The following ATAD2 variants were observed in gnomAD, a reference collection of about 807,000 sequenced individuals.
The protein encoded by ATAD2 is ATPase family AAA domain containing 2, also known as ATPase family AAA domain-containing protein 2.
In ATAD2, 62 loss-of-function variants were observed where a neutral mutation model predicts 168.9. The ratio of observed to expected loss-of-function variants is 0.37; its 90% CI spans 0.30 to 0.45. The LOEUF (loss-of-function observed/expected upper bound fraction) is 0.45. ATAD2 is among the 20% of genes least tolerant of loss of function. ATAD2 has a pLI of 1.00. For missense variants in ATAD2, 1,419 were observed against 1,667.8 expected, an observed-to-expected ratio of 0.85 and a Z score of 2.60; for synonymous variants, 613 against 571.6, an observed-to-expected ratio of 1.07 and a Z score of -1.03.
chr8:123,352,999 C>A (rs2131345554), intron 13 of ATAD2, among the ~76,000 whole-genome samples: 1 of 152,178 alleles, frequency 6.6e-6, no homozygotes, highest in South Asian at 2.1e-4. Context: ...CCCAGGAGAT[C>A]AAGGCTGCAG....
chr8:123,355,152 A>G (rs1046773791), intron 13 of ATAD2, among the ~76,000 whole-genome samples: 4 of 152,032 alleles, frequency 2.6e-5, no homozygotes, highest in African/African-American at 7.2e-5. Flanking sequence ...CTTAACATAT[A>G]TTTTAATTTA....
chr8:123,344,626 C>T, intron 19 of ATAD2: 3 of 371,398 alleles, frequency 8.1e-6, no homozygotes, highest in Non-Finnish European at 1.5e-5. Flanking sequence ...GGATTACAGG[C>T]GTGAGCCACT....
chr8:123,396,471 G>T, upstream of ATAD2: 1 of 1,201,180 alleles, frequency 8.3e-7, no homozygotes. Context: ...CCGCGCCAGC[G>T]GCCGCAGCGC....
intron 1 of ATAD2, among the ~76,000 whole-genome samples, chr8:123,394,271 C>T (rs1214334531): frequency 1.3e-5 from 2 of 152,192 alleles, no homozygotes; most frequent in East Asian, 3.9e-4. Flanking sequence ...AGTGTAGAAA[C>T]CTGATGATTA....
In ATAD2 at chr8:123,363,047, A is replaced by T. The variant is rs1199940267; in HGVS notation, c.1050-1401T>A. Among the ~76,000 whole-genome samples the T allele has an allele frequency of 2.6e-5, 4 of 152,332 alleles. No individual in the cohort carries two copies. In the East Asian group the frequency reaches 7.7e-4, roughly 29 times the overall value. On this transcript the variant is annotated intron_variant, in intron 8 of 27. Transcript: ENST00000287394. ...TTGAATGGTTGCAAAAGACTCACAG[A>T]AAAAACAAAGAGTCTGGTTGGGAAG...
intron 19 of ATAD2, 26 bp from the exon 20 acceptor site, chr8:123,339,472 T>G (rs757922746): frequency 6.5e-7 from 1 of 1,530,934 alleles, no homozygotes; most frequent in South Asian, 1.2e-5. Flanking sequence ...AAATGCAATA[T>G]ATATCATATA....
intron 15 of ATAD2, chr8:123,347,934 C>T: frequency 1.9e-6 from 1 of 513,206 alleles, no homozygotes; most frequent in African/African-American, 2.0e-5. Flanking sequence ...CTACTCTGCC[C>T]CTGATGGCCA....
chr8:123,334,609 A>T (rs769930840), intron 22 of ATAD2, among the ~76,000 whole-genome samples: 1 of 152,244 alleles, frequency 6.6e-6, no homozygotes, highest in Non-Finnish European at 1.5e-5. Flanking sequence ...ATAGCAAGAG[A>T]TTAAACATGA....
intron 8 of ATAD2, among the ~76,000 whole-genome samples, chr8:123,368,698 AC>A (rs1018925194): frequency 1.3e-5 from 2 of 152,226 alleles, no homozygotes; most frequent in Non-Finnish European, 2.9e-5. Flanking sequence ...CAAAGAAAAG[AC>A]TAAACCTATA....
At chr8:123,326,506 TA>T (rs908802498) in intron 25 of ATAD2, among the ~76,000 whole-genome samples, 139 of 140,324 alleles carry the variant, frequency 9.9e-4, no homozygotes, top group Admixed American at 7.9e-4. Flanking sequence ...CCCATCTCTT[TA>T]AAAAAAAAAA....
chr8:123,361,992 G>A (rs1227617721), intron 8 of ATAD2, among the ~76,000 whole-genome samples: 2 of 152,154 alleles, frequency 1.3e-5, no homozygotes, highest in African/African-American at 4.8e-5. Context: ...GCTGGGTGTG[G>A]TGGCTCACAC....
Position 123,396,411 on chromosome 8 carries a change from G to T in ATAD2, c.-54C>A, listed in dbSNP as rs921953126. 1.4e-6 allele frequency: 2 copies of T among 1,467,248 alleles called. No individual in the cohort carries two copies. Among genetic ancestry groups the T allele is most frequent in the African/African-American group, 2.9e-5 (2 of 68,376 alleles). 90.9% of individuals were successfully genotyped at this position (1,467,248 alleles called of 1,614,324 possible). ...CGACCGGAGAGAGATCCAGCTCCAG[G>T]CGCTCGCAGCTCTGGCTCTTCCGCG... On this transcript the variant is annotated 5_prime_UTR_variant, in exon 1 of 28. Coordinates refer to ENST00000287394, the MANE Select transcript of ATAD2 (RefSeq NM_014109.4).
chr8:123,397,541 A>G (rs1240396054), upstream of ATAD2, among the ~76,000 whole-genome samples: 2 of 152,248 alleles, frequency 1.3e-5, no homozygotes, highest in Non-Finnish European at 2.9e-5. Context: ...ACGCTGAATG[A>G]TCAGAATGTC....
At chr8:123,410,585 C>T (rs1467964126) in intron 1 of ATAD2, among the ~76,000 whole-genome samples, 3 of 152,222 alleles carry the variant, frequency 2.0e-5, no homozygotes, top group Admixed American at 1.3e-4. Context: ...CATGCCCAGC[C>T]TATATGTTTT....
chr8:123,387,211 A>C (rs189955092), intron 1 of ATAD2, among the ~76,000 whole-genome samples: 1 of 152,230 alleles, frequency 6.6e-6, no homozygotes, highest in African/African-American at 2.4e-5. Flanking sequence ...ATATTTTTTC[A>C]TGTCATTAAA....
chr8:123,369,283 A>T, intron 7 of ATAD2, 108 bp from the exon 8 acceptor site: 1 of 325,106 alleles, frequency 3.1e-6, no homozygotes, highest in Non-Finnish European at 4.9e-6. Context: ...AAAGGTGCTT[A>T]TCGCCTTCCA....
At chr8:123,331,011 C>T (rs1586857383) in intron 24 of ATAD2, among the ~76,000 whole-genome samples, 1 of 152,124 alleles carries the variant, frequency 6.6e-6, no homozygotes, top group Non-Finnish European at 1.5e-5. Flanking sequence ...CAACCTCTGC[C>T]CCACTGGGTT....
chr8:123,369,928 T>A lies in ATAD2; in HGVS notation c.824A>T (p.Asp275Val). 2 of 1,577,944 alleles carry A rather than the reference T, an allele frequency of 1.3e-6. No individual in the cohort carries two copies. The highest frequency in any genetic ancestry group is 8.7e-7 in the Non-Finnish European group (1 of 1,151,134). ...TTCATCTTCATCATCTTCATCATCATCATCATCATCATCATCGTCATCATC... is the reference window on the plus strand; with the variant it reads ...TTCATCTTCATCATCTTCATCATCAACATCATCATCATCATCGTCATCATC... The part of the protein sequence containing the change: ...DDDDDDDDDD[D>V]DDEDDEDEED... Residue 275 changes from aspartate (D) to valine (V), a missense_variant, in exon 7 of 28, where the codon GAT becomes GTT. Around this residue, in one of 5 missense-constraint regions of ATAD2, gnomAD observed 419 missense variants for 423.5 expected, o/e 0.99. Transcript: ENST00000287394.
intron 14 of ATAD2, 141 bp downstream of exon 14, chr8:123,349,144 G>C: frequency 1.4e-6 from 1 of 718,976 alleles, no homozygotes; most frequent in Non-Finnish European, 2.2e-6. Context: ...ATAAAAATTT[G>C]TCCCCATTTG....
Sources: allele counts gnomAD v4.1 joint callset (sites outside exome capture counted in the v4.1 genomes callset), GRCh38; gene constraint gnomAD v4.1.1; regional missense constraint gnomAD v4.1.1; transcripts MANE v1.5; gene names NCBI Gene and HGNC (gene_info 2026-07-23, HGNC 2026-07-21).